SARM1: variants seen among roughly 807,000 people sequenced by gnomAD.
SARM1 encodes sterile alpha and TIR motif containing 1.
In SARM1, 60 loss-of-function variants were observed where a neutral mutation model predicts 65.1. The observed-to-expected ratio is 0.92, with a 90% CI of 0.75 to 1.14. The LOEUF (loss-of-function observed/expected upper bound fraction) is 1.14, where lower values mean the gene tolerates loss of function less well. SARM1 is among the 50% of genes most tolerant of loss of function. The probability of loss-of-function intolerance (pLI) is 0.00; values close to 1 mark genes in which losing one functional copy is unlikely to be tolerated. For missense variants in SARM1, 913 were observed against 1,015.7 expected (o/e 0.90, Z 1.37); for synonymous variants, 417 against 465.4 (o/e 0.90, Z 1.34).
intron 7 of SARM1, among the ~76,000 whole-genome samples, chr17:28,388,766 CTTTTT>C (rs371410539): frequency 7.4e-6 from 1 of 135,916 alleles, no homozygotes; most frequent in Non-Finnish European, 1.6e-5. Context: ...TTTTCTTTTT[CTTTTT>C]TTTTTTTTTT....
chr17:28,373,435 A>G (rs1408680389), intron 1 of SARM1: 2 of 152,174 alleles, frequency 1.3e-5, no homozygotes, highest in East Asian at 1.9e-4. Context: ...AGCTCTCACA[A>G]GTGTGAAGGG....
chr17:28,380,072 C>A (rs199595026), intron 1 of SARM1, among the ~76,000 whole-genome samples: 2 of 48,684 alleles, frequency 4.1e-5, no homozygotes, highest in African/African-American at 1.6e-4. Flanking sequence ...TTTTTTTTTT[C>A]TGTCTCTCTC....
rs1422228399 is a variant in SARM1, at chr17:28,372,971, C to T, written c.470+469C>T. The stretch of plus-strand genomic sequence containing the variant: ...AGGGAGGGAGACCTCTCCTTTCCCT[C>T]CTCCCCAGGCTGTAAGGCGTGCTGG... On this transcript the variant is annotated intron_variant, in intron 1 of 8. Coordinates refer to ENST00000585482, the MANE Select transcript of SARM1 (RefSeq NM_015077.4). The surrounding 1 kb of genome is among the most constrained non-coding windows in gnomAD (Gnocchi z 5.2). 12 of 155,422 alleles carry T rather than the reference C, an allele frequency of 7.7e-5. No homozygotes were observed. The highest frequency in any genetic ancestry group is 2.9e-4 in the African/African-American group (12 of 41,552). 9.6% of individuals were successfully genotyped at this position (155,422 alleles called of 1,614,324 possible).
chr17:28,379,548 C>T (rs541153161), intron 1 of SARM1, among the ~76,000 whole-genome samples: 122 of 152,106 alleles, frequency 8.0e-4, no homozygotes, highest in African/African-American at 2.9e-3. Flanking sequence ...CTGACCTTGT[C>T]ATCCACCCGC....
In SARM1 at chr17:28,385,096, G is replaced by T. The variant is rs1555585813; in HGVS notation, c.1451G>T (p.Arg484Leu). Reference protein sequence around the residue: ...KTFANYSTCDRSNLADWLGSL... With the variant: ...KTFANYSTCDLSNLADWLGSL... Reference sequence around the variant, plus strand: ...TTCGCCAACTATTCTACGTGCGACCGCAGCAACCTGGCGGACTGGCTGGGC... The same window carrying T: ...TTCGCCAACTATTCTACGTGCGACCTCAGCAACCTGGCGGACTGGCTGGGC... Residue 484 changes from arginine (R) to leucine (L), a missense_variant, in exon 5 of 9, where the codon CGC (arginine) becomes CTC (leucine). Transcript: ENST00000585482. This position sits in a 1 kb window ranked among gnomAD's most constrained non-coding sequence, Gnocchi z 4.5. 6.2e-7 allele frequency: 1 copy of T among 1,613,892 alleles called. No individual in the cohort carries two copies.
intron 1 of SARM1, among the ~76,000 whole-genome samples, chr17:28,378,955 C>T (rs901141507): frequency 3.3e-5 from 5 of 152,216 alleles, no homozygotes; most frequent in Non-Finnish European, 7.3e-5. Flanking sequence ...GGCACCTGCC[C>T]ATGTTACCTG....
rs1441704989 is a variant in SARM1, at chr17:28,402,443, C to T, written c.*6157C>T. ...TTAGGTTAGACCCAGGAAGAACTTC[C>T]TTGATGGTGAGGGTGGGAAGACAGT... On this transcript the variant is annotated 3_prime_UTR_variant, in exon 9 of 9. Transcript: ENST00000585482. 5 of 770,964 alleles carry T rather than the reference C, an allele frequency of 6.5e-6. No individual in the cohort carries two copies. Among genetic ancestry groups the T allele is most frequent in the Non-Finnish European group, 8.6e-6 (4 of 467,760 alleles). 47.8% of individuals were successfully genotyped at this position (770,964 alleles called of 1,614,324 possible).
At chr17:28,383,987 C>CGT (rs1453304432) in intron 2 of SARM1, among the ~76,000 whole-genome samples, 3 of 151,916 alleles carry the variant, frequency 2.0e-5, no homozygotes, top group Non-Finnish European at 4.4e-5. Flanking sequence ...TGTGCATGTG[C>CGT]GTGTGTGTGT....
Position 28,397,544 on chromosome 17 carries a change from T to A in SARM1, c.*1258T>A, listed in dbSNP as rs1479671124. 6.6e-6 allele frequency: 1 copy of A among 152,202 alleles called. No homozygotes were observed. Among genetic ancestry groups the A allele is most frequent in the Non-Finnish European group, 1.5e-5 (1 of 68,058 alleles). 9.4% of individuals were successfully genotyped at this position (152,202 alleles called of 1,614,324 possible). A position where few individuals can be genotyped will look rare whatever the true frequency, so the allele number is the denominator to read the frequency against. ...TGAGGATAAGCCCACTTTCCTGTCA[T>A]TAGTGGCAGCCCCAGATCCAGACCT... On this transcript the variant is annotated 3_prime_UTR_variant, in exon 9 of 9. Transcript: ENST00000585482.
At chr17:28,379,472 G>A (rs1374503998) in intron 1 of SARM1, among the ~76,000 whole-genome samples, 4 of 151,816 alleles carry the variant, frequency 2.6e-5, no homozygotes, top group African/African-American at 4.8e-5. Flanking sequence ...CACCACGCCC[G>A]GCTAATTTTT....
chr17:28,371,843 C>G lies in SARM1; in HGVS notation c.-190C>G. On this transcript the variant is annotated 5_prime_UTR_variant, in exon 1 of 9. Transcript: ENST00000585482. ...CTGGGCCTGCATCACCTTTGCCAACCGCTCCCCCGATCCTGCCGACACTCC... is the reference window on the plus strand; with the variant it reads ...CTGGGCCTGCATCACCTTTGCCAACGGCTCCCCCGATCCTGCCGACACTCC... 2.2e-6 allele frequency: 1 copy of G among 462,346 alleles called. No individual in the cohort carries two copies. Among genetic ancestry groups the G allele is most frequent in the Non-Finnish European group, 3.8e-6 (1 of 263,354 alleles). 28.6% of individuals were successfully genotyped at this position (462,346 alleles called of 1,614,324 possible).
At chr17:28,380,019 T>A (rs2068012651) in intron 1 of SARM1, among the ~76,000 whole-genome samples, 1 of 151,974 alleles carries the variant, frequency 6.6e-6, no homozygotes, top group Non-Finnish European at 1.5e-5. Flanking sequence ...TTTGCTGATA[T>A]ATTCTACATA....
chr17:28,388,585 T>C, intron 7 of SARM1, 46 bp downstream of exon 7: 1 of 1,581,134 alleles, frequency 6.3e-7, no homozygotes. Context: ...TGGCCTGTGG[T>C]CCAGAAGATA....
intron 1 of SARM1, among the ~76,000 whole-genome samples, chr17:28,378,771 C>T (rs182980921): frequency 6.6e-6 from 1 of 152,230 alleles, no homozygotes. Context: ...TATCATCCTG[C>T]CTCAGCCTCT....
chr17:28,385,182 TC>T lies in SARM1; in HGVS notation c.1540del (p.Leu514CysfsTer67). The stretch of plus-strand genomic sequence containing the variant: ...CCTGGTCAGCTGCGGCCTGGACCGC[TC>T]CCTGCTGCACCGCGTGTCTGAGCAG... ...YGLVSCGLDRSLLHRVSEQQL... is the reference protein window; with the variant it reads ...YGLVSCGLDRXLLHRVSEQQL... On this transcript the variant is annotated frameshift_variant, in exon 5 of 9. Transcript: ENST00000585482. LOFTEE classifies it high-confidence loss of function. This position sits in a 1 kb window ranked among gnomAD's most constrained non-coding sequence, Gnocchi z 4.5. 1.2e-6 allele frequency: 2 copies of T among 1,609,590 alleles called. No homozygotes were observed. The highest frequency in any genetic ancestry group is 8.5e-7 in the Non-Finnish European group (1 of 1,178,954).
chr17:28,380,441 C>T (rs1555585058), intron 1 of SARM1, among the ~76,000 whole-genome samples: 1 of 152,226 alleles, frequency 6.6e-6, no homozygotes, highest in African/African-American at 2.4e-5. Context: ...GCCATTACAT[C>T]ATCCTGTTTT....
rs1271687605 is a variant in SARM1 at position 28,388,221 on chromosome 17, G to A, written c.1678G>A (p.Asp560Asn). Residue 560 changes from aspartate to asparagine, a missense_variant, in exon 6 of 9, where the codon GAC becomes AAC. Physicochemically the swap from Asp to Asn is conservative, Grantham distance 23. Coordinates refer to ENST00000585482, the MANE Select transcript of SARM1 (RefSeq NM_015077.4). ...LPCTGGKPSG[D>N]TPDVFISYRR... ...CTGTACTGGTGGCAAACCCAGTGGG[G>A]ACACTCCAGATGTCTTCATCAGCTA... The A allele has an allele frequency of 6.4e-7, 1 of 1,550,770 alleles. No homozygotes were observed. The highest frequency in any genetic ancestry group is 8.7e-7 in the Non-Finnish European group (1 of 1,147,390).
intron 7 of SARM1, among the ~76,000 whole-genome samples, chr17:28,388,890 C>A (rs1402496508): frequency 2.0e-5 from 3 of 151,848 alleles, no homozygotes; most frequent in African/African-American, 7.3e-5. Flanking sequence ...CCTCCCTCAG[C>A]CTCCCGAGTA....
intron 7 of SARM1, among the ~76,000 whole-genome samples, chr17:28,394,561 T>C (rs782391880): frequency 6.6e-6 from 1 of 152,204 alleles, no homozygotes; most frequent in Non-Finnish European, 1.5e-5. Context: ...CACATTTCTG[T>C]TTGATTTGGC....
Sources: allele counts gnomAD v4.1 joint callset (sites outside exome capture counted in the v4.1 genomes callset), GRCh38; gene constraint gnomAD v4.1.1; non-coding constraint Gnocchi (gnomAD v3.1); transcripts MANE v1.5; gene names NCBI Gene and HGNC (gene_info 2026-07-23, HGNC 2026-07-21).